Variants in RFX6 observed in about 807,000 individuals in gnomAD.
The protein encoded by RFX6 is regulatory factor X6.
RFX6 carries 50 observed loss-of-function variants against 110.8 expected under a neutral mutation model. That is an observed-to-expected ratio of 0.45 (90% CI 0.36 to 0.57). The LOEUF is 0.57. Ranked by LOEUF, RFX6 falls within the 20% of genes least tolerant of loss-of-function variation. The pLI, the probability that RFX6 is intolerant of heterozygous loss-of-function variation, is 0.00. For synonymous variants in RFX6, 383 were observed against 411.2 expected, an observed-to-expected ratio of 0.93 and a Z score of 0.83; for missense variants, 990 against 1,127.0, an observed-to-expected ratio of 0.88 and a Z score of 1.74.
intron 4 of RFX6, among the ~76,000 whole-genome samples, chr6:116,892,549 A>G (rs1774854980): frequency 6.6e-6 from 1 of 152,192 alleles, no homozygotes; most frequent in African/African-American, 2.4e-5. Context: ...TTAGTAGGTG[A>G]TGCAGATGCA....
intron 7 of RFX6, among the ~76,000 whole-genome samples, chr6:116,911,523 T>C (rs905208940): frequency 1.2e-4 from 18 of 152,214 alleles, no homozygotes; most frequent in African/African-American, 4.3e-4. Context: ...TGTTCTCTTA[T>C]ATTTGCATTT....
At chr6:116,908,419 C>T (rs1775255840) in intron 6 of RFX6, among the ~76,000 whole-genome samples, 1 of 152,024 alleles carries the variant, frequency 6.6e-6, no homozygotes, top group Non-Finnish European at 1.5e-5. Flanking sequence ...TCAATGAAAT[C>T]AATTACATCA....
At chr6:116,909,735 C>CTTTTTTTTTTTTTTTTTTTTTTTTTTTT (rs59264999) in intron 6 of RFX6, among the ~76,000 whole-genome samples, 1 of 67,362 alleles carries the variant, frequency 1.5e-5, no homozygotes, top group African/African-American at 6.1e-5. Context: ...TCATTTAAAT[C>CTTTTTTTTTTTTTTTTTTTTTTTTTTTT]TTTTTTTTTT....
intron 4 of RFX6, among the ~76,000 whole-genome samples, chr6:116,888,551 A>T (rs2114667872): frequency 6.6e-6 from 1 of 152,280 alleles, no homozygotes; most frequent in East Asian, 1.9e-4. Flanking sequence ...ATTTTCGAGC[A>T]TTTATCATAT....
At chr6:116,891,883 A>G (rs1409525796) in intron 4 of RFX6, among the ~76,000 whole-genome samples, 1 of 151,640 alleles carries the variant, frequency 6.6e-6, no homozygotes, top group Non-Finnish European at 1.5e-5. Flanking sequence ...CATTTCCTTC[A>G]TTTCTCCCTT....
Position 116,886,318 on chromosome 6 carries a change from C to T in RFX6, c.566+3890C>T, listed in dbSNP as rs572182759. Among the ~76,000 whole-genome samples the T allele has an allele frequency of 2.6e-5, 4 of 152,186 alleles. No individual in the cohort carries two copies. The South Asian group carries it at 8.3e-4, about 32-fold the overall frequency. On this transcript the variant is annotated intron_variant, in intron 4 of 18. Transcript: ENST00000332958. ...TATTATAGGATAGCTAGAGTATGTC[C>T]AGTCATCTCACTGGGGACTATCAGA...
At chr6:116,916,378 T>G in intron 9 of RFX6, 64 bp downstream of exon 9, 1 of 956,484 alleles carries the variant, frequency 1.0e-6, no homozygotes. Context: ...TCTATCTAAA[T>G]TCTTGCAATA....
At chr6:116,906,028 A>G (rs1582523579) in intron 6 of RFX6, among the ~76,000 whole-genome samples, 1 of 152,032 alleles carries the variant, frequency 6.6e-6, no homozygotes, top group Middle Eastern at 3.2e-3. Flanking sequence ...ATTTTTGTAT[A>G]TGATGTATGA....
At chr6:116,882,226 G>A (rs930235385) in intron 3 of RFX6, 141 bp from the exon 4 acceptor site, 1 of 700,832 alleles carries the variant, frequency 1.4e-6, no homozygotes. Context: ...ATATGTGTAA[G>A]TTATTACTTT....
intron 18 of RFX6, 62 bp downstream of exon 18, chr6:116,929,033 A>T (rs553763773): frequency 4.9e-6 from 5 of 1,028,616 alleles, no homozygotes; most frequent in Middle Eastern, 4.4e-4. Context: ...GGTATGCAAC[A>T]TTACTTGAGG....
At chr6:116,890,580 T>A (rs545745048) in intron 4 of RFX6, among the ~76,000 whole-genome samples, 5 of 152,214 alleles carry the variant, frequency 3.3e-5, no homozygotes, top group African/African-American at 1.2e-4. Flanking sequence ...TATATAAGAT[T>A]GTATGATAGA....
At chr6:116,915,966 T>C (rs769107774) in intron 7 of RFX6, 42 bp from the exon 8 acceptor site, 21 of 1,338,206 alleles carry the variant, frequency 1.6e-5, no homozygotes, top group Non-Finnish European at 2.3e-5. Context: ...AAAGGCAGTG[T>C]TAAAAGGATG....
chr6:116,898,641 G>T (rs181240729), intron 6 of RFX6, among the ~76,000 whole-genome samples: 225 of 152,304 alleles, frequency 1.5e-3, no homozygotes, highest in African/African-American at 5.1e-3. Flanking sequence ...AGAGGAATTG[G>T]CCCTAGAGAG....
Position 116,925,566 on chromosome 6 carries a change from A to G in RFX6, c.1792A>G (p.Thr598Ala), listed in dbSNP as rs1264347530. Residue 598 changes from threonine (T) to alanine (A), a missense_variant, in exon 16 of 19, where the codon ACC becomes GCC. Coordinates refer to ENST00000332958, the MANE Select transcript of RFX6 (RefSeq NM_173560.4). ...AVKNESHVET[T>A]YLPLPSSQPG... The stretch of plus-strand genomic sequence containing the variant: ...GAAGAATGAAAGCCACGTGGAGACA[A>G]CCTATCTCCCTCTGCCATCCAGTCA... 1 of 1,613,000 alleles carries G rather than the reference A, an allele frequency of 6.2e-7. No individual in the cohort carries two copies. Among genetic ancestry groups the G allele is most frequent in the Admixed American group, 1.7e-5 (1 of 60,008 alleles).
chr6:116,919,207 C>T lies in RFX6; in HGVS notation c.1093C>T (p.Pro365Ser). 2.5e-6 allele frequency: 4 copies of T among 1,613,092 alleles called. No homozygotes were observed. Among genetic ancestry groups the T allele is most frequent in the Non-Finnish European group, 3.4e-6 (4 of 1,179,220 alleles). The change falls in exon 11 of 19, where the codon CCA becomes TCA. Residue 365 changes from proline to serine, a missense_variant. Transcript: ENST00000332958. ...GGTTGTTTCATCCTTGGAAAACTTG[C>T]CAGAAGCTCTAACTGACAAGAAAAT... Reference protein sequence around the residue: ...QWVVSSLENLPEALTDKKIPI... With the variant: ...QWVVSSLENLSEALTDKKIPI...
At chr6:116,886,914 T>A (rs939435034) in intron 4 of RFX6, among the ~76,000 whole-genome samples, 13 of 151,894 alleles carry the variant, frequency 8.6e-5, no homozygotes, top group African/African-American at 2.9e-4. Context: ...AATACAAAAA[T>A]TAGCTGGGCG....
At chr6:116,909,710 T>G (rs1775289895) in intron 6 of RFX6, among the ~76,000 whole-genome samples, 1 of 149,438 alleles carries the variant, frequency 6.7e-6, no homozygotes, top group South Asian at 2.1e-4. Flanking sequence ...TTCTACTATA[T>G]TTTAAATATA....
chr6:116,912,343 GA>G lies in RFX6; in HGVS notation c.780+1311del, dbSNP rs149151286. Among the ~76,000 whole-genome samples, 118 of 147,696 alleles carry G rather than the reference GA, an allele frequency of 8.0e-4. 1 individual carries two copies. Among genetic ancestry groups the G allele is most frequent in the Middle Eastern group, 3.5e-3 (1 of 286 alleles). ...CCCTCTAAATCTAAAATACAAGTTG[GA>G]AAAAAAAAAGTAAAATATACCCTTA... On this transcript the variant is annotated intron_variant, in intron 7 of 18. Coordinates refer to ENST00000332958, the MANE Select transcript of RFX6 (RefSeq NM_173560.4).
intron 1 of RFX6, 83 bp from the exon 2 acceptor site, chr6:116,877,713 C>A: frequency 7.0e-7 from 1 of 1,429,308 alleles, no homozygotes; most frequent in Non-Finnish European, 9.8e-7. Context: ...TAGGCTACTC[C>A]TTTGAAGTTA....
Sources: gnomAD v4.1 joint callset for allele counts (sites outside exome capture counted in the v4.1 genomes callset) on GRCh38, gnomAD v4.1.1 for gene constraint, MANE v1.5 for transcripts, NCBI Gene and HGNC (gene_info 2026-07-23, HGNC 2026-07-21) for gene names.